The following CXXC5 variants were observed in gnomAD, a reference collection of about 807,000 sequenced individuals.
CXXC5 encodes CXXC finger protein 5.
CXXC5 carries 2 observed loss-of-function variants against 17.6 expected under a neutral mutation model. That is an observed-to-expected ratio of 0.11 (90% CI 0.05 to 0.36). CXXC5 has a LOEUF of 0.36. Ranked by LOEUF, CXXC5 falls within the 10% of genes least tolerant of loss-of-function variation. The pLI, the probability that CXXC5 is intolerant of heterozygous loss-of-function variation, is 1.00. For missense variants in CXXC5, 343 were observed against 458.3 expected, an observed-to-expected ratio of 0.75 and a Z score of 2.30; for synonymous variants, 171 against 193.0, an observed-to-expected ratio of 0.89 and a Z score of 0.94.
At position 139,670,203 on chromosome 5, in the gene CXXC5, C is replaced by T. The variant is rs1756380774; in HGVS notation, c.-160-10161C>T. On this transcript the variant is annotated intron_variant, in intron 1 of 2. Transcript: ENST00000302517. This position sits in a 1 kb window ranked among gnomAD's most constrained non-coding sequence, Gnocchi z 4.2. ...TCCTCAGCCTCCCGCCTCTCGCCTG[C>T]CTCCCCCACGCCTCTGCAGGGAGGG... Among the ~76,000 whole-genome samples, 1 of 152,228 alleles carries T rather than the reference C, an allele frequency of 6.6e-6. No homozygotes were observed. The highest frequency in any genetic ancestry group is 1.5e-5 in the Non-Finnish European group (1 of 68,036).
intron 1 of CXXC5, among the ~76,000 whole-genome samples, chr5:139,652,352 C>G (rs924376717): frequency 6.6e-6 from 1 of 152,126 alleles, no homozygotes; most frequent in Non-Finnish European, 1.5e-5. Flanking sequence ...TCTGCTTTCT[C>G]TTACTTCCCC....
chr5:139,658,225 C>T lies in CXXC5; in HGVS notation c.-161+9380C>T, dbSNP rs1233340015. Among the ~76,000 whole-genome samples the T allele has an allele frequency of 6.6e-6, 1 of 152,100 alleles. No homozygotes were observed. Among genetic ancestry groups the T allele is most frequent in the African/African-American group, 2.4e-5 (1 of 41,406 alleles). ...TCCTGGGGCGGTCAGATCTTGGTGG[C>T]CTAGAATTTCTTAGTCATGGGAGTC... On this transcript the variant is annotated intron_variant, in intron 1 of 2. Transcript: ENST00000302517. The surrounding 1 kb of genome is among the most constrained non-coding windows in gnomAD (Gnocchi z 4.1).
intron 1 of CXXC5, among the ~76,000 whole-genome samples, chr5:139,655,772 C>T (rs1056725658): frequency 3.3e-5 from 5 of 151,408 alleles, no homozygotes; most frequent in Non-Finnish European, 4.4e-5. Flanking sequence ...CCAGCTGTGC[C>T]GGCCGGCCGT....
intron 1 of CXXC5, among the ~76,000 whole-genome samples, chr5:139,674,811 A>T (rs1756688855): frequency 6.6e-6 from 1 of 152,154 alleles, no homozygotes; most frequent in Non-Finnish European, 1.5e-5. Flanking sequence ...TCCTCATAGG[A>T]AGACCTCATC....
chr5:139,678,971 G>T (rs1477962167), intron 1 of CXXC5, among the ~76,000 whole-genome samples: 1 of 152,244 alleles, frequency 6.6e-6, no homozygotes, highest in Non-Finnish European at 1.5e-5. Context: ...AGTCCCTTCA[G>T]CTGAGGAGGC....
rs1289485691 is a variant in CXXC5, at chr5:139,680,873, A to G, written c.350A>G (p.Asn117Ser). 2 of 1,608,730 alleles carry G rather than the reference A, an allele frequency of 1.2e-6. No individual in the cohort carries two copies. The highest frequency in any genetic ancestry group is 1.3e-5 in the African/African-American group (1 of 74,952). The change falls in exon 2 of 3, where the codon AAT becomes AGT. Residue 117 changes from asparagine (N) to serine (S), a missense_variant. Physicochemically the swap from Asn to Ser is conservative, Grantham distance 46. Around this residue, in one of 4 missense-constraint regions of CXXC5, gnomAD observed 297 missense variants for 363.4 expected, o/e 0.82. Coordinates refer to ENST00000302517, the MANE Select transcript of CXXC5 (RefSeq NM_016463.9). Reference sequence around the variant, plus strand: ...GCAGCCGCTGCCTCCCTGTTGGCCAATGGGCATGACCTGGCGGCGGCCATG... The same window carrying G: ...GCAGCCGCTGCCTCCCTGTTGGCCAGTGGGCATGACCTGGCGGCGGCCATG... ...AAAAAASLLA[N>S]GHDLAAAMAV...
upstream of CXXC5, among the ~76,000 whole-genome samples, chr5:139,647,669 T>A (rs955344897): frequency 2.3e-4 from 35 of 152,226 alleles, no homozygotes; most frequent in Non-Finnish European, 4.0e-4. Flanking sequence ...GGGCACCAAA[T>A]GTACGTAGTC....
chr5:139,670,708 A>G lies in CXXC5; in HGVS notation c.-160-9656A>G, dbSNP rs1370836676. Among the ~76,000 whole-genome samples, 1 of 152,322 alleles carries G rather than the reference A, an allele frequency of 6.6e-6. No homozygotes were observed. Among genetic ancestry groups the G allele is most frequent in the East Asian group, 1.9e-4 (1 of 5,192 alleles). ...TGCACTTGGACATCCATGTACATTC[A>G]CAGACTTGGGTCGCACACACATGCC... On this transcript the variant is annotated intron_variant, in intron 1 of 2. Transcript: ENST00000302517. This position sits in a 1 kb window ranked among gnomAD's most constrained non-coding sequence, Gnocchi z 4.2.
In CXXC5 at chr5:139,676,638, C is replaced by T. The variant is rs192701745; in HGVS notation, c.-160-3726C>T. On this transcript the variant is annotated intron_variant, in intron 1 of 2. Coordinates refer to ENST00000302517, the MANE Select transcript of CXXC5 (RefSeq NM_016463.9). Reference sequence around the variant, plus strand: ...CACAGTGGGTCTGATCTGGTCTCCTCGCCACTTCTCCTCTACCCTTCCCTC... The same window carrying T: ...CACAGTGGGTCTGATCTGGTCTCCTTGCCACTTCTCCTCTACCCTTCCCTC... Among the ~76,000 whole-genome samples the T allele has an allele frequency of 7.9e-5, 11 of 138,856 alleles. No homozygotes were observed. In the East Asian group the frequency reaches 2.3e-3, roughly 29 times the overall value. 91.1% of individuals were successfully genotyped at this position (138,856 alleles called of 152,430 possible).
chr5:139,665,065 C>T (rs927960541), intron 1 of CXXC5, among the ~76,000 whole-genome samples: 8 of 152,244 alleles, frequency 5.3e-5, no homozygotes, highest in Non-Finnish European at 8.8e-5. Flanking sequence ...GGAGATGGTG[C>T]CAATCTGCTG....
intron 1 of CXXC5, among the ~76,000 whole-genome samples, chr5:139,656,454 C>A (rs1334567103): frequency 2.0e-5 from 3 of 151,134 alleles, no homozygotes; most frequent in Non-Finnish European, 4.4e-5. Context: ...TACATACACA[C>A]ACATGTGTGC....
Position 139,652,165 on chromosome 5 carries a change from C to CGTGT in CXXC5, c.-161+3321_-161+3322insTGTG, listed in dbSNP as rs1478607245. On this transcript the variant is annotated intron_variant, in intron 1 of 2. Transcript: ENST00000302517. Reference sequence around the variant, plus strand: ...AGCCGCCGGCGCGCGCGCGCGCGCGCGCGCGCGTGTGTGTGTGTGTGTGTG... The same window carrying CGTGT: ...AGCCGCCGGCGCGCGCGCGCGCGCGCGTGTGCGCGCGTGTGTGTGTGTGTGTGTG... Among the ~76,000 whole-genome samples, 619 of 139,598 alleles carry CGTGT rather than the reference C, an allele frequency of 4.4e-3. 3 individuals are homozygous for CGTGT. Among genetic ancestry groups the CGTGT allele is most frequent in the African/African-American group, 8.8e-3 (315 of 35,852 alleles). The allele number at this position is 139,598 out of a possible 152,430, so 91.6% of individuals were successfully genotyped here.
In CXXC5 at chr5:139,680,647, G is replaced by T; in HGVS notation, c.124G>T (p.Ala42Ser). Residue 42 changes from alanine (A) to serine (S), a missense_variant, in exon 2 of 3, where the codon GCT (alanine) becomes TCT (serine). Physicochemically the swap from Ala to Ser is moderately conservative, Grantham distance 99. Around this residue, in one of 4 missense-constraint regions of CXXC5, gnomAD observed 297 missense variants for 363.4 expected, o/e 0.82. Coordinates refer to ENST00000302517, the MANE Select transcript of CXXC5 (RefSeq NM_016463.9). ...AGCAGCAGACAAGAGTGCAGTGGTGGCTGCCGCCGCACCAGCCTCAGTGGC... is the reference window on the plus strand; with the variant it reads ...AGCAGCAGACAAGAGTGCAGTGGTGTCTGCCGCCGCACCAGCCTCAGTGGC... ...AGAADKSAVVAAAAPASVADD... is the reference protein window; with the variant it reads ...AGAADKSAVVSAAAPASVADD... The T allele has an allele frequency of 6.2e-7, 1 of 1,611,926 alleles. No individual in the cohort carries two copies.
intron 1 of CXXC5, among the ~76,000 whole-genome samples, chr5:139,673,739 G>A (rs1756613035): frequency 6.6e-6 from 1 of 152,152 alleles, no homozygotes; most frequent in Admixed American, 6.5e-5. Flanking sequence ...CCACTCTGGA[G>A]GCTGAGGCAG....
chr5:139,673,349 C>T (rs972720525), intron 1 of CXXC5, among the ~76,000 whole-genome samples: 3 of 152,112 alleles, frequency 2.0e-5, no homozygotes, highest in Non-Finnish European at 2.9e-5. Context: ...TCTTCCTGAA[C>T]CTTTGACTCT....
chr5:139,653,467 G>A (rs1377957674), intron 1 of CXXC5, among the ~76,000 whole-genome samples: 2 of 152,124 alleles, frequency 1.3e-5, no homozygotes, highest in Admixed American at 6.5e-5. Context: ...ATGTATGAAC[G>A]GAGCCTGTGA....
rs1396724558 is a variant in CXXC5 at position 139,680,854 on chromosome 5, G to A, written c.331G>A (p.Ala111Thr). 14 of 1,610,128 alleles carry A rather than the reference G, an allele frequency of 8.7e-6. No individual in the cohort carries two copies. Among genetic ancestry groups the A allele is most frequent in the Admixed American group, 5.0e-5 (3 of 60,006 alleles). Reference protein sequence around the residue: ...SADKATAAAAAASLLANGHDL... With the variant: ...SADKATAAAATASLLANGHDL... Reference sequence around the variant, plus strand: ...TGACAAGGCCACTGCGGCTGCAGCCGCTGCCTCCCTGTTGGCCAATGGGCA... The same window carrying A: ...TGACAAGGCCACTGCGGCTGCAGCCACTGCCTCCCTGTTGGCCAATGGGCA... The change falls in exon 2 of 3, where the codon GCT becomes ACT. Residue 111 changes from alanine to threonine, a missense_variant. By Grantham distance (58) the Ala-to-Thr change is moderately conservative. Coordinates refer to ENST00000302517, the MANE Select transcript of CXXC5 (RefSeq NM_016463.9).
At position 139,668,624 on chromosome 5, in the gene CXXC5, GC is replaced by G. The variant is rs1382367617; in HGVS notation, c.-160-11737del. 5.9e-5 allele frequency among the ~76,000 whole-genome samples: 9 copies of G among 152,170 alleles called. No individual in the cohort carries two copies. Among genetic ancestry groups the G allele is most frequent in the Non-Finnish European group, 1.0e-4 (7 of 68,022 alleles). Reference sequence around the variant, plus strand: ...GGCTTAACCCAGACGAGCCCAGGACGCCCTATCCCTGAACCCCATCGTGGCG... The same window carrying G: ...GGCTTAACCCAGACGAGCCCAGGACGCCTATCCCTGAACCCCATCGTGGCG... On this transcript the variant is annotated intron_variant, in intron 1 of 2. Coordinates refer to ENST00000302517, the MANE Select transcript of CXXC5 (RefSeq NM_016463.9). The surrounding 1 kb of genome is among the most constrained non-coding windows in gnomAD (Gnocchi z 4.1).
rs1755583016 is a variant in CXXC5 at position 139,658,017 on chromosome 5, C to T, written c.-161+9172C>T. The stretch of plus-strand genomic sequence containing the variant: ...GTGTGCCAGGAGGAGGTGGCCTGTC[C>T]CCTAGGACTAGACCAGCTTCTCTCC... On this transcript the variant is annotated intron_variant, in intron 1 of 2. Transcript: ENST00000302517. This position sits in a 1 kb window ranked among gnomAD's most constrained non-coding sequence, Gnocchi z 4.1. Among the ~76,000 whole-genome samples the T allele has an allele frequency of 6.6e-6, 1 of 152,132 alleles. No individual in the cohort carries two copies. Among genetic ancestry groups the T allele is most frequent in the African/African-American group, 2.4e-5 (1 of 41,410 alleles).
Sources: gnomAD v4.1 joint callset for allele counts (sites outside exome capture counted in the v4.1 genomes callset) on GRCh38, gnomAD v4.1.1 for gene constraint, gnomAD v4.1.1 regional missense constraint, Gnocchi (gnomAD v3.1) non-coding constraint, MANE v1.5 for transcripts, NCBI Gene and HGNC (gene_info 2026-07-23, HGNC 2026-07-21) for gene names.